Variants in AP2A1 observed in about 807,000 individuals in gnomAD.
AP2A1 encodes adaptor related protein complex 2 subunit alpha 1, also known as AP-2 complex subunit alpha-1.
A neutral mutation model predicts 107.3 loss-of-function variants in AP2A1; 21 were observed. The observed-to-expected ratio is 0.20, with a 90% CI of 0.14 to 0.28. The LOEUF (loss-of-function observed/expected upper bound fraction) is 0.28, where lower values mean the gene tolerates loss of function less well. Ranked by LOEUF, AP2A1 falls within the 10% of genes least tolerant of loss-of-function variation. The probability of loss-of-function intolerance (pLI) is 1.00; values close to 1 mark genes in which losing one functional copy is unlikely to be tolerated. For missense variants in AP2A1, 873 were observed against 1,307.7 expected (o/e 0.67, Z 5.13); for synonymous variants, 602 against 564.8 (o/e 1.07, Z -0.93).
rs756372451 is a variant in AP2A1 at position 49,802,994 on chromosome 19, G to A, written c.2160G>A (p.Glu720=). 3.7e-6 allele frequency: 6 copies of A among 1,613,650 alleles called. No individual in the cohort carries two copies. Among genetic ancestry groups the A allele is most frequent in the Non-Finnish European group, 5.1e-6 (6 of 1,179,804 alleles). Residue 720 remains glutamate, a synonymous_variant, in exon 16 of 23, where the codon GAG becomes GAA. Transcript: ENST00000354293. The part of the protein sequence containing the change: ...DIGPPIPEAD[E]LLNKFVCKNN... ...GCCCTCCCATTCCGGAAGCCGATGAGTTGCTGAATAAGTGAGTCCTGGGAG... is the reference window on the plus strand; with the variant it reads ...GCCCTCCCATTCCGGAAGCCGATGAATTGCTGAATAAGTGAGTCCTGGGAG...
At chr19:49,800,779 T>C (rs1009851083) in intron 11 of AP2A1, 182 bp from the exon 12 acceptor site, 2 of 542,202 alleles carry the variant, frequency 3.7e-6, no homozygotes, top group Non-Finnish European at 6.5e-6. Flanking sequence ...CCCACAGCCC[T>C]GTTTTACTTC....
chr19:49,802,564 C>T, intron 15 of AP2A1: 1 of 1,606,054 alleles, frequency 6.2e-7, no homozygotes, highest in Non-Finnish European at 8.5e-7. Flanking sequence ...CCGAGAGCCC[C>T]ATGGCTTTGC....
In AP2A1 at chr19:49,806,224, C is replaced by T. The variant is rs369337590; in HGVS notation, c.2761C>T (p.Leu921Phe). The change falls in exon 22 of 23, where the codon CTT becomes TTT. Residue 921 changes from leucine to phenylalanine, a missense_variant. Around this residue, in one of 4 missense-constraint regions of AP2A1, gnomAD observed 416 missense variants for 473.4 expected, o/e 0.88. Coordinates refer to ENST00000354293, the MANE Select transcript of AP2A1 (RefSeq NM_130787.3). ...TAAAGCCCTGCAGGTGGGCTGTCTGCTTCGGCTGGAGCCCAATGCCCAGGC... is the reference window on the plus strand; with the variant it reads ...TAAAGCCCTGCAGGTGGGCTGTCTGTTTCGGCTGGAGCCCAATGCCCAGGC... ...QTKALQVGCL[L>F]RLEPNAQAQM... The T allele has an allele frequency of 5.7e-5, 91 of 1,607,584 alleles. No individual in the cohort carries two copies. The highest frequency in any genetic ancestry group is 1.6e-4 in the Middle Eastern group (1 of 6,064).
chr19:49,768,972 G>A (rs2084530853), intron 1 of AP2A1, among the ~76,000 whole-genome samples: 2 of 152,158 alleles, frequency 1.3e-5, no homozygotes, highest in South Asian at 4.1e-4. Context: ...TGTTCTTGCT[G>A]GTCATGGTGG....
chr19:49,795,525 T>G, intron 6 of AP2A1, 105 bp from the exon 7 acceptor site: 1 of 745,246 alleles, frequency 1.3e-6, no homozygotes, highest in South Asian at 1.6e-5. Flanking sequence ...CCATTAACAC[T>G]GACAGCACTG....
chr19:49,799,718 G>A lies in AP2A1; in HGVS notation c.1224G>A (p.Glu408=), dbSNP rs750518472. ...GCAATGCCAAGCAGATCGTGTCGGA[G>A]ATGCTGCGGTACCTGGAGACGGCAG... The part of the protein sequence containing the change: ...DRSNAKQIVS[E]MLRYLETADY... Residue 408 remains glutamate (E), a synonymous_variant, in exon 10 of 23, where the codon GAG becomes GAA. Coordinates refer to ENST00000354293, the MANE Select transcript of AP2A1 (RefSeq NM_130787.3). The A allele has an allele frequency of 6.2e-7, 1 of 1,613,546 alleles. No homozygotes were observed. Among genetic ancestry groups the A allele is most frequent in the South Asian group, 1.1e-5 (1 of 91,092 alleles).
At chr19:49,777,290 A>G (rs956150266) in intron 1 of AP2A1, among the ~76,000 whole-genome samples, 1 of 152,012 alleles carries the variant, frequency 6.6e-6, no homozygotes, top group African/African-American at 2.4e-5. Context: ...ATATATGCAT[A>G]TTTGTATATA....
chr19:49,801,261 G>A, intron 12 of AP2A1, 129 bp from the exon 13 acceptor site: 1 of 1,047,486 alleles, frequency 9.5e-7, no homozygotes, highest in South Asian at 1.5e-5. Context: ...TGGTGCCTGG[G>A]GAGGGCCACT....
At position 49,769,428 on chromosome 19, in the gene AP2A1, T is replaced by C. The variant is rs1487639725; in HGVS notation, c.67+2228T>C. ...GGACTAGGATGGAGAGGGTACTCAG[T>C]AGGCCTCGTGGAGGAAGTCATATCT... On this transcript the variant is annotated intron_variant, in intron 1 of 22. Transcript: ENST00000354293. Among the ~76,000 whole-genome samples, 3 of 152,060 alleles carry C rather than the reference T, an allele frequency of 2.0e-5. No homozygotes were observed. The East Asian group carries it at 5.8e-4, about 29-fold the overall frequency.
intron 18 of AP2A1, chr19:49,803,743 T>G: frequency 2.8e-6 from 1 of 352,154 alleles, no homozygotes; most frequent in East Asian, 7.2e-5. Flanking sequence ...TCAGGCCTGA[T>G]CTGGGCTGAG....
At chr19:49,772,828 G>A (rs1332619067) in intron 1 of AP2A1, among the ~76,000 whole-genome samples, 1 of 152,050 alleles carries the variant, frequency 6.6e-6, no homozygotes, top group Non-Finnish European at 1.5e-5. Context: ...ACAAAAAAAG[G>A]CCCTGATGCC....
intron 15 of AP2A1, chr19:49,802,542 A>T: frequency 6.2e-7 from 1 of 1,605,486 alleles, no homozygotes; most frequent in Non-Finnish European, 8.5e-7. Context: ...AGCGAGCTGG[A>T]GCCGCCTGCC....
chr19:49,791,740 A>G (rs540894634), intron 4 of AP2A1, 195 bp from the exon 5 acceptor site: 3 of 601,186 alleles, frequency 5.0e-6, no homozygotes, highest in Admixed American at 3.0e-5. Context: ...CTGAGATGCA[A>G]TCATTTTGCA....
chr19:49,772,246 G>GTTTTTT (rs71180653), intron 1 of AP2A1, among the ~76,000 whole-genome samples: 7 of 56,174 alleles, frequency 1.2e-4, no homozygotes, highest in African/African-American at 2.8e-4. Context: ...TTTTCATAGA[G>GTTTTTT]TTTTTTTTTT....
chr19:49,806,512 T>C, intron 22 of AP2A1, 169 bp from the exon 23 acceptor site: 1 of 1,448,970 alleles, frequency 6.9e-7, no homozygotes, highest in Non-Finnish European at 9.1e-7. Context: ...TCTTTTATAA[T>C]TTTCTTCCTC....
chr19:49,806,053 C>A (rs2073374147), intron 21 of AP2A1, 66 bp from the exon 22 acceptor site: 1 of 1,603,180 alleles, frequency 6.2e-7, no homozygotes. Flanking sequence ...TTTTTGGGAT[C>A]TGGGATGCCA....
chr19:49,791,396 A>G (rs2073141260), intron 4 of AP2A1, among the ~76,000 whole-genome samples: 1 of 151,472 alleles, frequency 6.6e-6, no homozygotes, highest in South Asian at 2.1e-4. Flanking sequence ...CACCCAGCTA[A>G]TTTTTGTATT....
Position 49,798,872 on chromosome 19 carries a change from C to A in AP2A1, c.885C>A (p.Pro295=). The A allele has an allele frequency of 6.3e-7, 1 of 1,591,540 alleles. No individual in the cohort carries two copies. The highest frequency in any genetic ancestry group is 8.6e-7 in the Non-Finnish European group (1 of 1,169,206). Residue 295 remains proline (P), a synonymous_variant, in exon 8 of 23, where the codon CCC becomes CCA. Coordinates refer to ENST00000354293, the MANE Select transcript of AP2A1 (RefSeq NM_130787.3). ...TGCTCAACAAGGCCCAGGAGCCCCC[C>A]AAATCCAAGAAGGTGCAGCATTCCA... is the stretch of plus-strand genomic sequence containing the variant. ...ETVLNKAQEP[P]KSKKVQHSNA...
intron 7 of AP2A1, chr19:49,795,983 C>T: frequency 3.7e-6 from 2 of 537,472 alleles, no homozygotes; most frequent in Non-Finnish European, 6.7e-6. Flanking sequence ...TACCCGGGCT[C>T]TCACTCCAGC....
Sources: gnomAD v4.1 joint callset for allele counts (sites outside exome capture counted in the v4.1 genomes callset) on GRCh38, gnomAD v4.1.1 for gene constraint, gnomAD v4.1.1 regional missense constraint, MANE v1.5 for transcripts, NCBI Gene and HGNC (gene_info 2026-07-23, HGNC 2026-07-21) for gene names.